Variants in PCDHA1 observed in about 807,000 individuals in gnomAD.
PCDHA1 encodes the protein protocadherin alpha 1.
Under a neutral mutation model 61.3 loss-of-function variants are expected in PCDHA1, and 42 were observed. That is an observed-to-expected ratio of 0.69 (90% CI 0.54 to 0.89). PCDHA1 has a LOEUF of 0.89. Among genes scored for constraint, PCDHA1 ranks in the 40% least tolerant of loss-of-function variants. The pLI, the probability that PCDHA1 is intolerant of heterozygous loss-of-function variation, is 0.00. For missense variants in PCDHA1, 1,256 were observed against 1,235.3 expected (o/e 1.02, Z -0.25); for synonymous variants, 610 against 553.8 (o/e 1.10, Z -1.43).
chr5:140,883,881 G>A (rs782379771), intron 1 of PCDHA1: 13 of 1,613,320 alleles, frequency 8.1e-6, no homozygotes, highest in Non-Finnish European at 1.1e-5. Flanking sequence ...GTGAGCGCGC[G>A]CGACTCTGGC....
chr5:140,967,682 C>G, intron 1 of PCDHA1: 2 of 1,614,176 alleles, frequency 1.2e-6, no homozygotes, highest in South Asian at 2.2e-5. Context: ...CCGGGAGAGG[C>G]AGCTCTTCAG....
chr5:140,795,445 G>A, intron 1 of PCDHA1: 1 of 1,614,212 alleles, frequency 6.2e-7, no homozygotes, highest in Non-Finnish European at 8.5e-7. Context: ...ATCTGATGCA[G>A]ATATAGGAGT....
chr5:140,795,088 G>C (rs149618945), intron 1 of PCDHA1: 38 of 1,613,878 alleles, frequency 2.4e-5, no homozygotes, highest in Non-Finnish European at 3.1e-5. Flanking sequence ...GGCCAAACAC[G>C]GCACCTTCGT....
intron 1 of PCDHA1, chr5:140,836,663 T>A: frequency 3.1e-6 from 5 of 1,613,494 alleles, no homozygotes; most frequent in Middle Eastern, 1.7e-4. Context: ...GGGTGTGCTC[T>A]GGGGAGGGCC....
intron 1 of PCDHA1, among the ~76,000 whole-genome samples, chr5:140,798,774 G>A (rs1762360991): frequency 6.6e-6 from 1 of 152,118 alleles, no homozygotes; most frequent in Admixed American, 6.5e-5. Flanking sequence ...AACTCGACAA[G>A]TAAATGTTAC....
chr5:141,003,240 C>T (rs1563674729), intron 3 of PCDHA1, among the ~76,000 whole-genome samples: 2 of 152,150 alleles, frequency 1.3e-5, no homozygotes, highest in South Asian at 4.1e-4. Context: ...GAAATTTTGC[C>T]AAAAAGATTC....
intron 1 of PCDHA1, among the ~76,000 whole-genome samples, chr5:140,872,927 T>A (rs1020178513): frequency 3.9e-5 from 6 of 152,216 alleles, no homozygotes; most frequent in African/African-American, 1.4e-4. Flanking sequence ...TTATCTCTAA[T>A]GTTTTTGAAA....
intron 1 of PCDHA1, among the ~76,000 whole-genome samples, chr5:140,976,505 C>T (rs538128648): frequency 3.3e-5 from 5 of 152,122 alleles, no homozygotes; most frequent in East Asian, 3.9e-4. Flanking sequence ...GAGCCAAGAT[C>T]GCGCCACTGC....
intron 1 of PCDHA1, among the ~76,000 whole-genome samples, chr5:140,925,122 GA>G (rs1298426256): frequency 2.7e-5 from 4 of 150,724 alleles, no homozygotes; most frequent in Non-Finnish European, 4.4e-5. Flanking sequence ...AGGAAGGAAG[GA>G]AAAAAAATTT....
intron 1 of PCDHA1, chr5:140,856,279 T>A (rs1554148476): frequency 1.3e-6 from 2 of 1,598,260 alleles, no homozygotes; most frequent in East Asian, 2.2e-5. Flanking sequence ...TGGAGGTAAA[T>A]CTGCAGAATG....
chr5:140,788,775 C>A, intron 1 of PCDHA1, 91 bp downstream of exon 1: 1 of 1,447,916 alleles, frequency 6.9e-7, no homozygotes, highest in Non-Finnish European at 9.1e-7. Context: ...AAAATGTCTT[C>A]AAGGTGTTCA....
At position 140,805,030 on chromosome 5, in the gene PCDHA1, TAG is replaced by T. The variant is rs782585317; in HGVS notation, c.2394+16349_2394+16350del. ...TCTGTTATCAGCTTCTTGAATATAA[TAG>T]AGTCAGCCAAAGTACTTGTCTTCCC... On this transcript the variant is annotated intron_variant, in intron 1 of 3. Coordinates refer to ENST00000504120, the MANE Select transcript of PCDHA1 (RefSeq NM_018900.4). The T allele has an allele frequency of 2.5e-6, 4 of 1,581,854 alleles. No homozygotes were observed. In the Admixed American group the frequency reaches 6.9e-5, roughly 27 times the overall value.
intron 1 of PCDHA1, among the ~76,000 whole-genome samples, chr5:140,965,934 G>C (rs1186937423): frequency 6.6e-6 from 1 of 152,212 alleles, no homozygotes; most frequent in Non-Finnish European, 1.5e-5. Context: ...CTCCCGGAAA[G>C]AGGGCAGCAT....
At chr5:140,884,205 G>T (rs1554181325) in intron 1 of PCDHA1, 3 of 1,613,490 alleles carry the variant, frequency 1.9e-6, no homozygotes, top group East Asian at 4.5e-5. Context: ...CCGCACCACC[G>T]CCTTCTGGTG....
At chr5:140,931,901 T>G (rs2087840006) in intron 1 of PCDHA1, among the ~76,000 whole-genome samples, 1 of 151,938 alleles carries the variant, frequency 6.6e-6, no homozygotes, top group South Asian at 2.1e-4. Flanking sequence ...TCAAATCATT[T>G]GAAAAGCATG....
chr5:140,852,042 T>C, intron 1 of PCDHA1: 1 of 921,096 alleles, frequency 1.1e-6, no homozygotes, highest in African/African-American at 1.8e-5. Context: ...GAGTTTTTGT[T>C]ATGTGGTTTA....
intron 1 of PCDHA1, among the ~76,000 whole-genome samples, chr5:140,908,155 G>C (rs559304647): frequency 6.6e-6 from 1 of 152,194 alleles, no homozygotes; most frequent in Non-Finnish European, 1.5e-5. Context: ...TCCTAGGAAG[G>C]GGCTGTAGTG....
At chr5:140,870,641 G>C in intron 1 of PCDHA1, 1 of 1,612,818 alleles carries the variant, frequency 6.2e-7, no homozygotes, top group South Asian at 1.1e-5. Context: ...CACGCGGAGA[G>C]CGGCAAGGTG....
At chr5:140,885,270 A>G (rs251381) in intron 1 of PCDHA1, among the ~76,000 whole-genome samples, 102,023 of 151,894 alleles carry the variant, frequency 0.67, 34,437 homozygotes, top group Middle Eastern at 0.71. Flanking sequence ...ACTCATACAT[A>G]TATATATACA....
Sources: allele counts gnomAD v4.1 joint callset (sites outside exome capture counted in the v4.1 genomes callset), GRCh38; gene constraint gnomAD v4.1.1; transcripts MANE v1.5; gene names NCBI Gene and HGNC (gene_info 2026-07-23, HGNC 2026-07-21).